AKR1C8: variants seen among roughly 807,000 people sequenced by gnomAD.
AKR1C8 encodes aldo-keto reductase family 1 member C-like protein 1.
At chr10:5,172,251 G>A in the AKR1C8 span, among the ~76,000 whole-genome samples, 1 of 152,016 alleles carries the variant, frequency 6.6e-6, no homozygotes, top group Non-Finnish European at 1.5e-5. Flanking sequence ...AATTTTCCAT[G>A]ACCTTCACAG....
chr10:5,122,253 C>T, the AKR1C8 span: 36 of 270,712 alleles, frequency 1.3e-4, no homozygotes, highest in African/African-American at 8.1e-4. Flanking sequence ...GGGGCAAAGG[C>T]AAGGATGGCA....
At chr10:5,117,604 A>T in the AKR1C8 span, among the ~76,000 whole-genome samples, 128,202 of 151,990 alleles carry the variant, frequency 0.84, 54,076 homozygotes, top group Middle Eastern at 0.91. Flanking sequence ...TGAAGCTGAG[A>T]ATTTATAAAG....
At chr10:5,152,867 A>T in the AKR1C8 span, among the ~76,000 whole-genome samples, 1 of 151,940 alleles carries the variant, frequency 6.6e-6, no homozygotes, top group Non-Finnish European at 1.5e-5. Flanking sequence ...TAATGCGGGG[A>T]GATATTTTCT....
At chr10:5,164,128 T>C in the AKR1C8 span, among the ~76,000 whole-genome samples, 64 of 152,260 alleles carry the variant, frequency 4.2e-4, no homozygotes, top group African/African-American at 1.5e-3. Context: ...GGTCAAGCTT[T>C]TACTCCAACT....
the AKR1C8 span, among the ~76,000 whole-genome samples, chr10:5,157,056 A>G: frequency 6.6e-6 from 1 of 152,238 alleles, no homozygotes; most frequent in Non-Finnish European, 1.5e-5. Context: ...GCCTAGTTTC[A>G]TACCTGCTAG....
the AKR1C8 span, among the ~76,000 whole-genome samples, chr10:5,149,611 C>A: frequency 6.6e-6 from 1 of 151,946 alleles, no homozygotes; most frequent in Admixed American, 6.6e-5. Flanking sequence ...GGTAAGAAAC[C>A]CTGTAGATGG....
chr10:5,136,769 A>C, the AKR1C8 span, among the ~76,000 whole-genome samples: 1 of 152,212 alleles, frequency 6.6e-6, no homozygotes, highest in Non-Finnish European at 1.5e-5. Flanking sequence ...AGAGGAGGAC[A>C]TAAATAGTGT....
chr10:5,116,116 T>C, the AKR1C8 span, among the ~76,000 whole-genome samples: 1 of 152,132 alleles, frequency 6.6e-6, no homozygotes, highest in Admixed American at 6.6e-5. Flanking sequence ...TCACACAGCA[T>C]GGTAATACTA....
chr10:5,171,986 A>G, the AKR1C8 span, among the ~76,000 whole-genome samples: 1 of 152,102 alleles, frequency 6.6e-6, no homozygotes, highest in Non-Finnish European at 1.5e-5. Flanking sequence ...AACTTTCAGC[A>G]ACCTTTACTT....
chr10:5,123,153 T>C, the AKR1C8 span: 1 of 157,888 alleles, frequency 6.3e-6, no homozygotes, highest in South Asian at 2.1e-4. Flanking sequence ...ACAGAAAGCA[T>C]TTGTGCATAG....
the AKR1C8 span, among the ~76,000 whole-genome samples, chr10:5,138,723 TC>T: frequency 6.2e-4 from 94 of 152,180 alleles, no homozygotes; most frequent in African/African-American, 2.1e-3. Context: ...CTCCAGTCGG[TC>T]CCTCCATTCG....
chr10:5,158,774 A>G, the AKR1C8 span: 2 of 465,932 alleles, frequency 4.3e-6, no homozygotes, highest in South Asian at 3.1e-5. Context: ...CAAATTTAAA[A>G]TTGGTCTGAA....
At chr10:5,160,113 G>A in the AKR1C8 span, 3 of 351,290 alleles carry the variant, frequency 8.5e-6, no homozygotes, top group African/African-American at 6.5e-5. Context: ...ATAAATATTA[G>A]ACTGAATTAA....
the AKR1C8 span, chr10:5,122,020 G>T: frequency 4.0e-6 from 1 of 251,366 alleles, no homozygotes; most frequent in South Asian, 4.5e-5. Flanking sequence ...ATGTAGGAAA[G>T]ATGTGTCCCT....
chr10:5,120,416 T>A, the AKR1C8 span, among the ~76,000 whole-genome samples: 2 of 152,296 alleles, frequency 1.3e-5, no homozygotes, highest in South Asian at 4.1e-4. Flanking sequence ...CAGCAAAAAG[T>A]GATTACTGTT....
the AKR1C8 span, chr10:5,185,037 C>T: frequency 3.7e-6 from 2 of 534,624 alleles, no homozygotes; most frequent in Non-Finnish European, 7.7e-6. Flanking sequence ...AGTGCCAAAT[C>T]CCAGCACTGG....
At chr10:5,179,068 T>G in the AKR1C8 span, among the ~76,000 whole-genome samples, 3 of 152,238 alleles carry the variant, frequency 2.0e-5, no homozygotes, top group African/African-American at 7.2e-5. Flanking sequence ...AGTTTCTTCC[T>G]AGCCTCGATG....
the AKR1C8 span, among the ~76,000 whole-genome samples, chr10:5,170,289 AAC>A: frequency 6.6e-6 from 1 of 152,174 alleles, no homozygotes; most frequent in Non-Finnish European, 1.5e-5. Context: ...AACATTACAC[AAC>A]ACTACCATTT....
At chr10:5,130,986 T>C in the AKR1C8 span, among the ~76,000 whole-genome samples, 1 of 151,928 alleles carries the variant, frequency 6.6e-6, no homozygotes, top group Non-Finnish European at 1.5e-5. Context: ...AGTATTAATA[T>C]AAAAATAGGC....
Sources: gnomAD v4.1 joint callset for allele counts (sites outside exome capture counted in the v4.1 genomes callset) on GRCh38, gnomAD v4.1.1 for gene constraint, MANE v1.5 for transcripts, NCBI Gene and HGNC (gene_info 2026-07-23, HGNC 2026-07-21) for gene names.